ADARB2: variants seen among roughly 807,000 people sequenced by gnomAD.
ADARB2 encodes the protein inactive double-stranded RNA-specific editase B2.
In ADARB2, 25 loss-of-function variants were observed where a neutral mutation model predicts 62.2. The ratio of observed to expected loss-of-function variants is 0.40; its 90% CI spans 0.29 to 0.56. ADARB2 has a LOEUF of 0.56. ADARB2 is among the 20% of genes least tolerant of loss of function. ADARB2 has a pLI of 0.43. For missense variants in ADARB2, 1,071 were observed against 1,077.4 expected (o/e 0.99, Z 0.08); for synonymous variants, 572 against 500.8 (o/e 1.14, Z -1.90).
At chr10:1,254,059 CTG>C (rs1178328357) in intron 4 of ADARB2, among the ~76,000 whole-genome samples, 1 of 150,272 alleles carries the variant, frequency 6.7e-6, no homozygotes, top group Non-Finnish European at 1.5e-5. Flanking sequence ...GAGGTCGGCT[CTG>C]TGGTTAGGAT....
intron 1 of ADARB2, among the ~76,000 whole-genome samples, chr10:1,411,839 A>T (rs148203050): frequency 8.3e-4 from 126 of 152,378 alleles, no homozygotes; most frequent in Non-Finnish European, 1.6e-3. Context: ...TTCTGCAGCA[A>T]AAGCTATTTT....
At chr10:1,723,349 C>T (rs1259570831) in intron 1 of ADARB2, among the ~76,000 whole-genome samples, 1 of 152,224 alleles carries the variant, frequency 6.6e-6, no homozygotes, top group East Asian at 1.9e-4. Flanking sequence ...CTGAACCCAC[C>T]TGTTCAATCC....
chr10:1,570,864 G>A (rs143890736), intron 1 of ADARB2, among the ~76,000 whole-genome samples: 183 of 152,200 alleles, frequency 1.2e-3, no homozygotes, highest in African/African-American at 3.6e-3. Flanking sequence ...ATGGGAGCCC[G>A]CATCCTGGAA....
intron 1 of ADARB2, among the ~76,000 whole-genome samples, chr10:1,614,241 G>T (rs1457903165): frequency 6.6e-6 from 1 of 152,156 alleles, no homozygotes; most frequent in African/African-American, 2.4e-5. Flanking sequence ...TAAAAAAATT[G>T]ATTACATTAA....
intron 1 of ADARB2, among the ~76,000 whole-genome samples, chr10:1,607,971 C>T (rs1327130471): frequency 6.6e-6 from 1 of 152,224 alleles, no homozygotes; most frequent in Non-Finnish European, 1.5e-5. Flanking sequence ...CCCCACACAA[C>T]AGTGTGCAAG....
At chr10:1,321,952 C>T (rs1831799619) in intron 3 of ADARB2, among the ~76,000 whole-genome samples, 1 of 151,530 alleles carries the variant, frequency 6.6e-6, no homozygotes, top group Non-Finnish European at 1.5e-5. Flanking sequence ...TGGGGGAGGA[C>T]TTTGGGTTCT....
chr10:1,193,283 T>C (rs948140605), intron 8 of ADARB2, among the ~76,000 whole-genome samples: 2 of 152,100 alleles, frequency 1.3e-5, no homozygotes, highest in Non-Finnish European at 2.9e-5. Flanking sequence ...ACCGCTCAGG[T>C]TCCCCCGAGG....
intron 3 of ADARB2, among the ~76,000 whole-genome samples, chr10:1,333,806 A>C (rs911731533): frequency 3.3e-5 from 5 of 152,186 alleles, no homozygotes; most frequent in African/African-American, 1.2e-4. Context: ...CGGTTCATCC[A>C]ACTTACCTGT....
chr10:1,604,167 A>C (rs1316820886), intron 1 of ADARB2, among the ~76,000 whole-genome samples: 4 of 152,190 alleles, frequency 2.6e-5, no homozygotes, highest in Non-Finnish European at 5.9e-5. Flanking sequence ...TTTACTATGA[A>C]TTTTTCAGAA....
chr10:1,579,078 G>A (rs546140234), intron 1 of ADARB2, among the ~76,000 whole-genome samples: 1 of 152,312 alleles, frequency 6.6e-6, no homozygotes, highest in East Asian at 1.9e-4. Flanking sequence ...TGCCCACACT[G>A]CCTCAGTTTA....
intron 1 of ADARB2, among the ~76,000 whole-genome samples, chr10:1,411,271 C>T (rs542059594): frequency 9.3e-4 from 141 of 152,308 alleles, no homozygotes; most frequent in Non-Finnish European, 1.6e-3. Flanking sequence ...CAGGTGCGTC[C>T]GTGAGGCTGC....
rs370561509 is a variant in ADARB2, at chr10:1,463,501, C to T, written c.101-84341G>A. On this transcript the variant is annotated intron_variant, in intron 1 of 9. Transcript: ENST00000381312. Reference sequence around the variant, plus strand: ...AAGTGGTTAACCCGGGCTTAAGAAGCGCGCGTATTCATCTCAGAATGAGAG... The same window carrying T: ...AAGTGGTTAACCCGGGCTTAAGAAGTGCGCGTATTCATCTCAGAATGAGAG... Among the ~76,000 whole-genome samples, 241 of 152,270 alleles carry T rather than the reference C, an allele frequency of 1.6e-3. 1 individual carries two copies. The highest frequency in any genetic ancestry group is 0.01 in the South Asian group (49 of 4,814).
At chr10:1,297,247 G>T (rs574743062) in intron 3 of ADARB2, among the ~76,000 whole-genome samples, 27 of 152,196 alleles carry the variant, frequency 1.8e-4, no homozygotes, top group Admixed American at 1.5e-3. Flanking sequence ...TGTAGCCCCC[G>T]TCGGCCTTGG....
chr10:1,195,400 G>GT (rs1236059124), intron 8 of ADARB2, among the ~76,000 whole-genome samples: 13 of 116,434 alleles, frequency 1.1e-4, no homozygotes, highest in Non-Finnish European at 1.4e-4. Flanking sequence ...TTTTTTTTTT[G>GT]TTTTTTTTTT....
In ADARB2 at chr10:1,480,473, CGGGT is replaced by C. The variant is rs572062375; in HGVS notation, c.101-101317_101-101314del. On this transcript the variant is annotated intron_variant, in intron 1 of 9. Coordinates refer to ENST00000381312, the MANE Select transcript of ADARB2 (RefSeq NM_018702.4). ...CAGCACTTTGGGAGGCCAAGGCGGG[CGGGT>C]CACTAGGTCAGGAGATTGAGACCAT... is the stretch of plus-strand genomic sequence containing the variant. 1.2e-4 allele frequency among the ~76,000 whole-genome samples: 19 copies of C among 152,238 alleles called. No individual in the cohort carries two copies. The South Asian group carries it at 3.7e-3, about 30-fold the overall frequency.
intron 3 of ADARB2, among the ~76,000 whole-genome samples, chr10:1,352,540 C>T (rs1347976463): frequency 3.3e-5 from 5 of 152,164 alleles, no homozygotes; most frequent in Non-Finnish European, 5.9e-5. Flanking sequence ...CCTTTCTGTC[C>T]AAACAACTTG....
chr10:1,416,795 C>T (rs902882992), intron 1 of ADARB2, among the ~76,000 whole-genome samples: 2 of 152,382 alleles, frequency 1.3e-5, no homozygotes, highest in South Asian at 2.1e-4. Context: ...CAGTAAGTCA[C>T]GTGGTGAAAC....
chr10:1,327,827 C>T (rs1467621696), intron 3 of ADARB2, among the ~76,000 whole-genome samples: 1 of 103,110 alleles, frequency 9.7e-6, no homozygotes, highest in Admixed American at 9.5e-5. Context: ...CCTCACAGCT[C>T]AGCACCTCAC....
chr10:1,469,664 A>T, intron 1 of ADARB2, among the ~76,000 whole-genome samples: 1 of 152,334 alleles, frequency 6.6e-6, no homozygotes, highest in South Asian at 2.1e-4. Context: ...AACAAAAAAG[A>T]AAACAGTGCT....
Sources: gnomAD v4.1 joint callset for allele counts (sites outside exome capture counted in the v4.1 genomes callset) on GRCh38, gnomAD v4.1.1 for gene constraint, MANE v1.5 for transcripts, NCBI Gene and HGNC (gene_info 2026-07-23, HGNC 2026-07-21) for gene names.